LARP1: variants seen among roughly 807,000 people sequenced by gnomAD.
LARP1 encodes La ribonucleoprotein 1, translational regulator.
Under a neutral mutation model 122.7 loss-of-function variants are expected in LARP1, and 36 were observed. The observed-to-expected ratio is 0.29, with a 90% CI of 0.22 to 0.39. The LOEUF (loss-of-function observed/expected upper bound fraction) is 0.39, where lower values mean the gene tolerates loss of function less well. Ranked by LOEUF, LARP1 falls within the 10% of genes least tolerant of loss-of-function variation. The pLI, the probability that LARP1 is intolerant of heterozygous loss-of-function variation, is 1.00. For missense variants in LARP1, 1,040 were observed against 1,403.6 expected (o/e 0.74, Z 4.14); for synonymous variants, 539 against 528.7 (o/e 1.02, Z -0.27).
In LARP1 at chr5:154,793,673, C is replaced by G. The variant is rs1757515174; in HGVS notation, c.818C>G (p.Thr273Ser). 3.7e-6 allele frequency: 6 copies of G among 1,614,154 alleles called. No individual in the cohort carries two copies. The highest frequency in any genetic ancestry group is 5.1e-6 in the Non-Finnish European group (6 of 1,180,014). The change falls in exon 5 of 19, where the codon ACT (threonine) becomes AGT (serine). Residue 273 changes from threonine to serine, a missense_variant. Thr to Ser is a moderately conservative substitution (Grantham distance 58). Transcript: ENST00000518297. Reference sequence around the variant, plus strand: ...AGAGAGAAACTGGCTTCACGCCCCACTCGCCCACCGGAGCCTAGACACATA... The same window carrying G: ...AGAGAGAAACTGGCTTCACGCCCCAGTCGCCCACCGGAGCCTAGACACATA... ...VPREKLASRP[T>S]RPPEPRHIPA...
At chr5:154,790,081 TTGGCTGC>T (rs1271408307) in intron 1 of LARP1, among the ~76,000 whole-genome samples, 2 of 152,214 alleles carry the variant, frequency 1.3e-5, no homozygotes, top group Non-Finnish European at 2.9e-5. Flanking sequence ...TTCTTGGGTT[TTGGCTGC>T]TGGCTGCTGG....
upstream of LARP1, among the ~76,000 whole-genome samples, chr5:154,712,084 G>C (rs1159996533): frequency 6.6e-6 from 1 of 152,108 alleles, no homozygotes; most frequent in Non-Finnish European, 1.5e-5. Context: ...TGACTTTCTT[G>C]TTCATTGATA....
chr5:154,709,235 TA>T (rs1459157407), upstream of LARP1, among the ~76,000 whole-genome samples: 9 of 152,366 alleles, frequency 5.9e-5, no homozygotes, highest in Admixed American at 5.9e-4. Context: ...AGTTAGCCAC[TA>T]AGAATGATGC....
intron 1 of LARP1, among the ~76,000 whole-genome samples, chr5:154,781,951 T>C (rs1305419966): frequency 6.6e-6 from 1 of 152,164 alleles, no homozygotes; most frequent in Non-Finnish European, 1.5e-5. Context: ...GTGAGTACCC[T>C]GAAGATCTTA....
intron 1 of LARP1, among the ~76,000 whole-genome samples, chr5:154,692,692 T>C (rs1754279502): frequency 6.6e-6 from 1 of 152,134 alleles, no homozygotes; most frequent in Non-Finnish European, 1.5e-5. Context: ...GGGACCACAC[T>C]CAGCATCACA....
intron 15 of LARP1, among the ~76,000 whole-genome samples, chr5:154,806,693 C>G (rs1758815460): frequency 6.6e-6 from 1 of 152,202 alleles, no homozygotes; most frequent in Non-Finnish European, 1.5e-5. Flanking sequence ...CCAATCTAGT[C>G]ACCTGTAGTT....
chr5:154,787,760 T>C, intron 1 of LARP1, among the ~76,000 whole-genome samples: 1 of 152,034 alleles, frequency 6.6e-6, no homozygotes, highest in Non-Finnish European at 1.5e-5. Flanking sequence ...GGATGGACCT[T>C]TTTCAACAAA....
At chr5:154,737,653 G>A (rs181441122) in intron 1 of LARP1, among the ~76,000 whole-genome samples, 1 of 151,926 alleles carries the variant, frequency 6.6e-6, no homozygotes, top group Non-Finnish European at 1.5e-5. Flanking sequence ...TTGTTGGTCC[G>A]ACTGGTCTCG....
At chr5:154,724,442 G>T (rs76256545) in intron 1 of LARP1, among the ~76,000 whole-genome samples, 63 of 152,260 alleles carry the variant, frequency 4.1e-4, no homozygotes, top group African/African-American at 1.5e-3. Context: ...TTCCTTCCCT[G>T]CCTAGAGCAT....
chr5:154,804,187 G>C lies in LARP1; in HGVS notation c.2440-14G>C. ...GAGTACAAACAGTAACAAACCCTGG[G>C]CTAACCTTTGCAGATGCCTCGAAAA... On this transcript the variant is annotated splice_polypyrimidine_tract_variant and intron_variant, in intron 13 of 18. Coordinates refer to ENST00000518297, the MANE Select transcript of LARP1 (RefSeq NM_033551.3). 1 of 1,606,980 alleles carries C rather than the reference G, an allele frequency of 6.2e-7. No individual in the cohort carries two copies. Among genetic ancestry groups the C allele is most frequent in the East Asian group, 2.2e-5 (1 of 44,854 alleles).
chr5:154,757,888 C>G (rs1187124574), intron 1 of LARP1, among the ~76,000 whole-genome samples: 4 of 90,618 alleles, frequency 4.4e-5, no homozygotes, highest in African/African-American at 1.8e-4. Flanking sequence ...CTTCCCCCTT[C>G]CTCCCCTTCC....
rs547612494 is a variant in LARP1 at position 154,815,979 on chromosome 5, C to T, written c.*1883C>T. The T allele has an allele frequency of 4.6e-5, 7 of 152,370 alleles. No individual in the cohort carries two copies. The highest frequency in any genetic ancestry group is 1.4e-4 in the African/African-American group (6 of 41,572). The allele number at this position is 152,370 out of a possible 1,614,324, so 9.4% of individuals were successfully genotyped here. A position where few individuals can be genotyped will look rare whatever the true frequency, so the allele number is the denominator to read the frequency against. On this transcript the variant is annotated 3_prime_UTR_variant, in exon 19 of 19. Coordinates refer to ENST00000518297, the MANE Select transcript of LARP1 (RefSeq NM_033551.3). ...CTTTGGCCCTCCTTTTCAACTGGTT[C>T]CTCTGTTGGGCCCAAAGGTTGGGAG...
rs1392910568 is a variant in LARP1, at chr5:154,747,316, AAAAAG to A, written c.205+34191_205+34195del. On this transcript the variant is annotated intron_variant, in intron 1 of 18. Coordinates refer to the LARP1 transcript ENST00000336314. ...GCAAGACTCTGTCCCAAAAAAAAAA[AAAAAG>A]AAAAAGAAAAAAGGCTGCTGTGGAT... 4.0e-5 allele frequency among the ~76,000 whole-genome samples: 6 copies of A among 151,758 alleles called. No homozygotes were observed. In the East Asian group the frequency reaches 5.9e-4, roughly 15 times the overall value.
intron 14 of LARP1, chr5:154,804,913 C>G (rs1199369568): frequency 2.2e-6 from 1 of 456,116 alleles, no homozygotes; most frequent in Non-Finnish European, 4.4e-6. Flanking sequence ...TACAATTGAT[C>G]TTTGAACAAC....
intron 1 of LARP1, among the ~76,000 whole-genome samples, chr5:154,733,955 C>T (rs181370202): frequency 1.3e-5 from 2 of 151,952 alleles, no homozygotes; most frequent in East Asian, 3.8e-4. Flanking sequence ...CACCTGAGTT[C>T]GGGAGATCGA....
chr5:154,760,562 A>G (rs1754368732), intron 1 of LARP1, among the ~76,000 whole-genome samples: 1 of 152,190 alleles, frequency 6.6e-6, no homozygotes. Flanking sequence ...GCAGCCAGAC[A>G]TTATGTGCCT....
chr5:154,797,696 T>A (rs866660931), intron 8 of LARP1, among the ~76,000 whole-genome samples: 3 of 150,900 alleles, frequency 2.0e-5, no homozygotes, highest in Admixed American at 6.6e-5. Context: ...TTTTTTTTTT[T>A]AAACATTTTT....
chr5:154,731,956 A>G (rs1756596002), intron 1 of LARP1, among the ~76,000 whole-genome samples: 1 of 151,108 alleles, frequency 6.6e-6, no homozygotes, highest in African/African-American at 2.4e-5. Flanking sequence ...CAGCAGGCAG[A>G]GGTTGCAGTG....
Position 154,802,471 on chromosome 5 carries a change from T to G in LARP1, c.2109+72T>G, listed in dbSNP as rs1758426414. The G allele has an allele frequency of 6.7e-7, 1 of 1,487,304 alleles. No individual in the cohort carries two copies. Among genetic ancestry groups the G allele is most frequent in the Non-Finnish European group, 8.9e-7 (1 of 1,120,056 alleles). The allele number at this position is 1,487,304 out of a possible 1,614,324, so 92.1% of individuals were successfully genotyped here. A position where few individuals can be genotyped will look rare whatever the true frequency, so the allele number is the denominator to read the frequency against. ...TTGTACGGAGAAGAGGAAGCCTGAT[T>G]AGCTGTGCAATTTTAGGCAGGTCCT... On this transcript the variant is annotated intron_variant, in intron 11 of 18. Transcript: ENST00000518297. The surrounding 1 kb of genome is among the most constrained non-coding windows in gnomAD (Gnocchi z 5.1).
Sources: allele counts gnomAD v4.1 joint callset (sites outside exome capture counted in the v4.1 genomes callset), GRCh38; gene constraint gnomAD v4.1.1; non-coding constraint Gnocchi (gnomAD v3.1); transcripts MANE v1.5; gene names NCBI Gene and HGNC (gene_info 2026-07-23, HGNC 2026-07-21).